Variants in MTCL2 observed in about 807,000 individuals in gnomAD.
The protein encoded by MTCL2 is microtubule cross-linking factor 2.
the MTCL2 span, among the ~76,000 whole-genome samples, chr20:36,806,591 C>T: frequency 1.3e-5 from 2 of 152,066 alleles, no homozygotes; most frequent in Admixed American, 6.6e-5. Flanking sequence ...ATGCTCTTAG[C>T]TCACTGCAAC....
At chr20:36,808,792 C>T in the MTCL2 span, 1 of 1,500,294 alleles carries the variant, frequency 6.7e-7, no homozygotes, top group Non-Finnish European at 8.9e-7. Context: ...GTCCTCTCCC[C>T]CACCCCTTTC....
chr20:36,848,318 T>C, the MTCL2 span, among the ~76,000 whole-genome samples: 2 of 152,272 alleles, frequency 1.3e-5, no homozygotes, highest in Non-Finnish European at 2.9e-5. Context: ...AACCATGAGC[T>C]CAGCCTGCAG....
the MTCL2 span, among the ~76,000 whole-genome samples, chr20:36,791,656 T>C: frequency 6.6e-6 from 1 of 152,200 alleles, no homozygotes; most frequent in Non-Finnish European, 1.5e-5. Context: ...AAATGTGGAA[T>C]TGGGAGACAG....
chr20:36,861,006 T>C, the MTCL2 span, among the ~76,000 whole-genome samples: 1 of 152,278 alleles, frequency 6.6e-6, no homozygotes, highest in East Asian at 1.9e-4. Flanking sequence ...GATGACTTCC[T>C]GGGATGGACA....
At chr20:36,861,286 G>C in the MTCL2 span, among the ~76,000 whole-genome samples, 1 of 152,106 alleles carries the variant, frequency 6.6e-6, no homozygotes, top group African/African-American at 2.4e-5. Context: ...TCAAAGAGCC[G>C]ACTGAACTCC....
the MTCL2 span, among the ~76,000 whole-genome samples, chr20:36,795,912 C>G: frequency 1.3e-5 from 2 of 152,212 alleles, no homozygotes; most frequent in Non-Finnish European, 2.9e-5. Flanking sequence ...AGTGCCCCAG[C>G]CTCCTTGTGG....
the MTCL2 span, among the ~76,000 whole-genome samples, chr20:36,801,452 G>C: frequency 6.7e-6 from 1 of 149,888 alleles, no homozygotes; most frequent in South Asian, 2.2e-4. Flanking sequence ...TAAATAGAAA[G>C]AAAGGCCCAG....
the MTCL2 span, among the ~76,000 whole-genome samples, chr20:36,808,227 G>A: frequency 5.3e-5 from 8 of 151,484 alleles, no homozygotes; most frequent in Admixed American, 5.3e-4. Context: ...ATGGTGGCAT[G>A]TGCCTGTAAT....
the MTCL2 span, among the ~76,000 whole-genome samples, chr20:36,798,030 G>A: frequency 6.6e-6 from 1 of 151,890 alleles, no homozygotes; most frequent in Non-Finnish European, 1.5e-5. Context: ...TCACTTCCAG[G>A]TGGCTTGTGA....
chr20:36,787,341 C>T, the MTCL2 span, among the ~76,000 whole-genome samples: 3 of 151,986 alleles, frequency 2.0e-5, no homozygotes, highest in Non-Finnish European at 4.4e-5. Flanking sequence ...GATTCTTGTG[C>T]CTCAGCCTCC....
chr20:36,855,210 G>A, the MTCL2 span, among the ~76,000 whole-genome samples: 1,422 of 152,330 alleles, frequency 9.3e-3, 21 homozygotes, highest in African/African-American at 0.032. Context: ...GAACCCTCAC[G>A]GCAACGTGCG....
At chr20:36,859,358 G>A in the MTCL2 span, among the ~76,000 whole-genome samples, 3 of 152,332 alleles carry the variant, frequency 2.0e-5, no homozygotes, top group South Asian at 6.2e-4. Context: ...GGCAGCTAAA[G>A]CTGCATCTTA....
chr20:36,862,617 G>C, the MTCL2 span: 1 of 1,461,608 alleles, frequency 6.8e-7, no homozygotes, highest in Non-Finnish European at 9.0e-7. Context: ...TGTGACAGCC[G>C]GCGACCCCTG....
At chr20:36,792,877 C>T in the MTCL2 span, among the ~76,000 whole-genome samples, 621 of 151,368 alleles carry the variant, frequency 4.1e-3, 6 homozygotes, top group African/African-American at 0.014. Context: ...GACAGACAGA[C>T]AGACAGACAG....
the MTCL2 span, among the ~76,000 whole-genome samples, chr20:36,849,858 A>G: frequency 6.6e-6 from 1 of 152,056 alleles, no homozygotes; most frequent in Non-Finnish European, 1.5e-5. Flanking sequence ...GGGGCTGGAG[A>G]TGAAAGTGAC....
the MTCL2 span, among the ~76,000 whole-genome samples, chr20:36,843,430 C>T: frequency 6.6e-6 from 1 of 151,862 alleles, no homozygotes; most frequent in Non-Finnish European, 1.5e-5. Flanking sequence ...TTTGCCAGCC[C>T]CCCACCCCCA....
the MTCL2 span, among the ~76,000 whole-genome samples, chr20:36,805,260 G>A: frequency 6.6e-6 from 1 of 152,180 alleles, no homozygotes; most frequent in Non-Finnish European, 1.5e-5. Context: ...CAGGCCAGAT[G>A]TGGGGTCTAA....
At chr20:36,812,348 G>C in the MTCL2 span, among the ~76,000 whole-genome samples, 1 of 152,322 alleles carries the variant, frequency 6.6e-6, no homozygotes, top group Admixed American at 6.5e-5. Context: ...AGCCAGAATA[G>C]AGTGGATCCA....
At chr20:36,863,467 C>CGGCCCCGACACCGCGTCCCCGTCCCA in the MTCL2 span, 1 of 676,822 alleles carries the variant, frequency 1.5e-6, no homozygotes, top group Non-Finnish European at 1.9e-6. This position sits in a 1 kb window ranked among gnomAD's most constrained non-coding sequence, Gnocchi z 6.2. Flanking sequence ...CGGCCCACCT[C>CGGCCCCGACACCGCGTCCCCGTCCCA]GGCCCCGACA....
Sources: allele counts gnomAD v4.1 joint callset (sites outside exome capture counted in the v4.1 genomes callset), GRCh38; gene constraint gnomAD v4.1.1; non-coding constraint Gnocchi (gnomAD v3.1); transcripts MANE v1.5; gene names NCBI Gene and HGNC (gene_info 2026-07-23, HGNC 2026-07-21).